Variants in CSNK2A2IP observed in about 807,000 individuals in gnomAD.
CSNK2A2IP encodes casein kinase II subunit alpha'-interacting protein.
At chr3:88,383,822 C>T in the CSNK2A2IP span, among the ~76,000 whole-genome samples, 5 of 151,896 alleles carry the variant, frequency 3.3e-5, no homozygotes, top group African/African-American at 1.2e-4. Context: ...CGCCACCACG[C>T]CCCGCTAATT....
At chr3:88,465,486 GGCCAAAGT>G in the CSNK2A2IP span, 1 of 1,231,502 alleles carries the variant, frequency 8.1e-7, no homozygotes, top group Non-Finnish European at 1.0e-6. Context: ...ACCAACCTAT[GGCCAAAGT>G]GCAATCCCAT....
the CSNK2A2IP span, chr3:88,465,600 G>A: frequency 3.6e-5 from 44 of 1,231,512 alleles, no homozygotes; most frequent in East Asian, 1.4e-3. Flanking sequence ...AAATTTCACA[G>A]AGCTTCTGTG....
the CSNK2A2IP span, among the ~76,000 whole-genome samples, chr3:88,450,900 T>C: frequency 6.6e-6 from 1 of 152,168 alleles, no homozygotes; most frequent in South Asian, 2.1e-4. Flanking sequence ...ATTGTAGTTC[T>C]ATTTTTAATT....
At chr3:88,415,242 A>C in the CSNK2A2IP span, among the ~76,000 whole-genome samples, 1 of 152,088 alleles carries the variant, frequency 6.6e-6, no homozygotes, top group African/African-American at 2.4e-5. Flanking sequence ...AAGTAACATT[A>C]TTCTCTGAAA....
the CSNK2A2IP span, among the ~76,000 whole-genome samples, chr3:88,358,592 T>C: frequency 6.6e-6 from 1 of 152,174 alleles, no homozygotes; most frequent in African/African-American, 2.4e-5. Flanking sequence ...TTTGTTGAAA[T>C]TGTCAGATGG....
the CSNK2A2IP span, among the ~76,000 whole-genome samples, chr3:88,451,606 C>A: frequency 1.3e-5 from 2 of 151,702 alleles, no homozygotes; most frequent in African/African-American, 4.8e-5. Context: ...ATTTTTTTCA[C>A]CTTTGTTTCT....
the CSNK2A2IP span, among the ~76,000 whole-genome samples, chr3:88,367,035 A>C: frequency 6.6e-6 from 1 of 152,210 alleles, no homozygotes; most frequent in Non-Finnish European, 1.5e-5. Context: ...TGTCTCCCAC[A>C]GGGTCCCTCC....
At chr3:88,407,028 C>T in the CSNK2A2IP span, among the ~76,000 whole-genome samples, 2 of 152,038 alleles carry the variant, frequency 1.3e-5, no homozygotes, top group African/African-American at 2.4e-5. Context: ...CTGTTAGTTC[C>T]TATCACACTG....
the CSNK2A2IP span, among the ~76,000 whole-genome samples, chr3:88,384,157 C>A: frequency 1.3e-5 from 2 of 151,970 alleles, no homozygotes; most frequent in East Asian, 3.9e-4. Flanking sequence ...ATAGATAAGT[C>A]CCTGCCCCCA....
the CSNK2A2IP span, among the ~76,000 whole-genome samples, chr3:88,439,235 G>A: frequency 2.0e-5 from 3 of 152,246 alleles, no homozygotes; most frequent in African/African-American, 7.2e-5. Flanking sequence ...TGAATAATGT[G>A]ATGCCTTGTT....
the CSNK2A2IP span, among the ~76,000 whole-genome samples, chr3:88,383,352 T>C: frequency 6.6e-6 from 1 of 152,266 alleles, no homozygotes; most frequent in Non-Finnish European, 1.5e-5. Context: ...TAGGCAATTT[T>C]ATATCTTTCT....
At chr3:88,386,464 C>A in the CSNK2A2IP span, among the ~76,000 whole-genome samples, 1 of 152,164 alleles carries the variant, frequency 6.6e-6, no homozygotes, top group Non-Finnish European at 1.5e-5. Flanking sequence ...ACGGAGAAAG[C>A]AGATGATTTG....
the CSNK2A2IP span, among the ~76,000 whole-genome samples, chr3:88,398,086 G>A: frequency 1.2e-4 from 18 of 152,064 alleles, no homozygotes; most frequent in Admixed American, 2.0e-4. Flanking sequence ...ATTGAACTAC[G>A]TCCAACTCAG....
the CSNK2A2IP span, among the ~76,000 whole-genome samples, chr3:88,392,687 T>G: frequency 6.6e-6 from 1 of 152,164 alleles, no homozygotes; most frequent in African/African-American, 2.4e-5. Context: ...TCCCTGTATT[T>G]ATGTAAGTTG....
chr3:88,387,405 G>A, the CSNK2A2IP span, among the ~76,000 whole-genome samples: 12 of 152,014 alleles, frequency 7.9e-5, no homozygotes, highest in Admixed American at 5.2e-4. Flanking sequence ...TCTTGACCTC[G>A]TGATCCACCC....
the CSNK2A2IP span, among the ~76,000 whole-genome samples, chr3:88,372,508 G>A: frequency 6.6e-6 from 1 of 151,206 alleles, no homozygotes; most frequent in Non-Finnish European, 1.5e-5. Flanking sequence ...TAATACACAA[G>A]AAAAGTTAAG....
the CSNK2A2IP span, among the ~76,000 whole-genome samples, chr3:88,448,674 A>T: frequency 6.6e-6 from 1 of 152,226 alleles, no homozygotes; most frequent in Admixed American, 6.5e-5. Flanking sequence ...TCACACGCAG[A>T]CATACTAAAC....
At chr3:88,392,484 G>C in the CSNK2A2IP span, among the ~76,000 whole-genome samples, 2 of 152,128 alleles carry the variant, frequency 1.3e-5, no homozygotes, top group Non-Finnish European at 2.9e-5. Flanking sequence ...AGAAAACTAA[G>C]AAGGAATGGC....
chr3:88,348,154 T>C, the CSNK2A2IP span, among the ~76,000 whole-genome samples: 1 of 151,548 alleles, frequency 6.6e-6, no homozygotes, highest in Non-Finnish European at 1.5e-5. Context: ...TTTTACAAAT[T>C]GTCCTTTGAC....
Sources: allele counts gnomAD v4.1 joint callset (sites outside exome capture counted in the v4.1 genomes callset), GRCh38; gene constraint gnomAD v4.1.1; transcripts MANE v1.5; gene names NCBI Gene and HGNC (gene_info 2026-07-23, HGNC 2026-07-21).